TMEM260: variants seen among roughly 807,000 people sequenced by gnomAD.
The protein encoded by TMEM260 is transmembrane protein 260.
TMEM260 carries 82 observed loss-of-function variants against 88.9 expected under a neutral mutation model. The observed-to-expected ratio is 0.92, with a 90% CI of 0.77 to 1.11. The LOEUF is 1.11. Among genes scored for constraint, TMEM260 ranks in the 50% least tolerant of loss-of-function variants. TMEM260 has a pLI of 0.00. For missense variants in TMEM260, 902 were observed against 853.4 expected, an observed-to-expected ratio of 1.06 and a Z score of -0.71; for synonymous variants, 314 against 309.3, an observed-to-expected ratio of 1.02 and a Z score of -0.16.
the TMEM260 span, among the ~76,000 whole-genome samples, chr14:56,661,535 G>A: frequency 8.1e-6 from 1 of 122,964 alleles, no homozygotes; most frequent in African/African-American, 3.8e-5. Context: ...AAGGAGGAAA[G>A]GAGGGAGGGA....
chr14:56,599,232 T>G (rs1445593599), intron 3 of TMEM260, among the ~76,000 whole-genome samples: 1 of 152,188 alleles, frequency 6.6e-6, no homozygotes, highest in Non-Finnish European at 1.5e-5. Context: ...CTTGTCCTTC[T>G]GTCCTTTTGC....
chr14:56,635,684 T>G (rs1324488116), intron 14 of TMEM260, among the ~76,000 whole-genome samples: 1 of 152,170 alleles, frequency 6.6e-6, no homozygotes, highest in Non-Finnish European at 1.5e-5. Flanking sequence ...ACGGAGTATC[T>G]TGTACATAAG....
At chr14:56,622,082 G>A (rs1451459726) in intron 11 of TMEM260, among the ~76,000 whole-genome samples, 7 of 152,024 alleles carry the variant, frequency 4.6e-5, no homozygotes, top group Non-Finnish European at 8.8e-5. Flanking sequence ...AGTGGCTCAC[G>A]CCTGTAATCC....
chr14:56,649,738 ATG>A (rs1890162616), downstream of TMEM260, among the ~76,000 whole-genome samples: 1 of 152,120 alleles, frequency 6.6e-6, no homozygotes, highest in African/African-American at 2.4e-5. Flanking sequence ...TTTTTTAAAT[ATG>A]TGTCTGTACT....
chr14:56,641,444 C>T (rs971846145), intron 15 of TMEM260, among the ~76,000 whole-genome samples: 17 of 152,200 alleles, frequency 1.1e-4, no homozygotes, highest in African/African-American at 3.9e-4. Flanking sequence ...GAAATAAAAT[C>T]CTTTACAGAC....
At chr14:56,652,588 GA>G (rs1456595430), downstream of TMEM260, among the ~76,000 whole-genome samples, 1 of 151,900 alleles carries the variant, frequency 6.6e-6, no homozygotes, top group Non-Finnish European at 1.5e-5. Flanking sequence ...TTTATAAATG[GA>G]AAATGATTCA....
intron 6 of TMEM260, among the ~76,000 whole-genome samples, 161 bp from the exon 7 acceptor site, chr14:56,612,084 C>T (rs1296534201): frequency 3.3e-5 from 5 of 152,176 alleles, no homozygotes; most frequent in South Asian, 2.1e-4. Flanking sequence ...TCCCTTGACA[C>T]GCAGTTTACC....
At chr14:56,623,918 CTCT>C (rs1392242770) in intron 11 of TMEM260, among the ~76,000 whole-genome samples, 2 of 152,036 alleles carry the variant, frequency 1.3e-5, no homozygotes, top group African/African-American at 2.4e-5. Flanking sequence ...TAATGGGAGT[CTCT>C]TCTTTAAAAA....
downstream of TMEM260, among the ~76,000 whole-genome samples, chr14:56,653,295 G>T (rs1249325205): frequency 6.6e-6 from 1 of 152,152 alleles, no homozygotes; most frequent in Non-Finnish European, 1.5e-5. Context: ...TTTAAAATGT[G>T]TATGCACATA....
At chr14:56,596,406 G>GTGTGTGTGTGTGTGTA (rs1290307932) in intron 3 of TMEM260, among the ~76,000 whole-genome samples, 26 of 111,326 alleles carry the variant, frequency 2.3e-4, no homozygotes, top group African/African-American at 7.8e-4. Flanking sequence ...GTGTGTGTGT[G>GTGTGTGTGTGTGTGTA]TATATATATA....
At chr14:56,603,310 A>T (rs1250745585) in intron 3 of TMEM260, among the ~76,000 whole-genome samples, 1 of 152,200 alleles carries the variant, frequency 6.6e-6, no homozygotes, top group Non-Finnish European at 1.5e-5. Flanking sequence ...AAATCATCAG[A>T]TATTGTGATC....
chr14:56,639,784 C>T (rs56352631), intron 15 of TMEM260, among the ~76,000 whole-genome samples: 5,128 of 152,240 alleles, frequency 0.034, 139 homozygotes, highest in East Asian at 0.099. Context: ...CACTCCCACC[C>T]TAATACTGTG....
Position 56,634,958 on chromosome 14 carries a change from T to C in TMEM260, c.1778+6T>C, listed in dbSNP as rs200068138. The C allele has an allele frequency of 2.5e-6, 4 of 1,613,772 alleles. No homozygotes were observed. Among genetic ancestry groups the C allele is most frequent in the East Asian group, 4.5e-5 (2 of 44,888 alleles). On this transcript the variant is annotated splice_donor_region_variant and intron_variant, in intron 14 of 15. Coordinates refer to ENST00000261556, the MANE Select transcript of TMEM260 (RefSeq NM_017799.4). ...GAAGAAATGTGGCAAGCGAGGTGACTATTCTACATTTTTGTGTGTGCAGTC... is the reference window on the plus strand; with the variant it reads ...GAAGAAATGTGGCAAGCGAGGTGACCATTCTACATTTTTGTGTGTGCAGTC...
At chr14:56,650,861 A>G (rs1045561035), downstream of TMEM260, among the ~76,000 whole-genome samples, 2 of 152,146 alleles carry the variant, frequency 1.3e-5, no homozygotes, top group Non-Finnish European at 1.5e-5. Context: ...TTTAGGAAAA[A>G]TTTTATACCA....
intron 3 of TMEM260, among the ~76,000 whole-genome samples, chr14:56,601,395 A>G (rs1886566192): frequency 6.6e-6 from 1 of 152,156 alleles, no homozygotes. Context: ...TCTTTTCACT[A>G]GAATAGATTG....
intron 4 of TMEM260, among the ~76,000 whole-genome samples, chr14:56,605,230 C>A (rs1189120463): frequency 6.6e-6 from 1 of 152,134 alleles, no homozygotes; most frequent in Non-Finnish European, 1.5e-5. Context: ...GGAGAAAAAA[C>A]AATTGCTGAA....
chr14:56,602,840 A>G (rs938245464), intron 3 of TMEM260, among the ~76,000 whole-genome samples: 1 of 152,176 alleles, frequency 6.6e-6, no homozygotes, highest in Non-Finnish European at 1.5e-5. Flanking sequence ...GACTAAAGCC[A>G]TAGAACTACC....
intron 14 of TMEM260, among the ~76,000 whole-genome samples, chr14:56,635,921 TGTA>T (rs1159651955): frequency 9.9e-5 from 15 of 152,206 alleles, no homozygotes; most frequent in African/African-American, 3.4e-4. Flanking sequence ...AAGTTGTCAT[TGTA>T]GTCATAGGGA....
chr14:56,596,794 A>AAAAATGT (rs59623466), intron 3 of TMEM260, among the ~76,000 whole-genome samples: 7 of 136,296 alleles, frequency 5.1e-5, no homozygotes, highest in African/African-American at 1.4e-4. Flanking sequence ...TAAAAAAAAA[A>AAAAATGT]ATATATATAT....
Sources: allele counts gnomAD v4.1 joint callset (sites outside exome capture counted in the v4.1 genomes callset), GRCh38; gene constraint gnomAD v4.1.1; transcripts MANE v1.5; gene names NCBI Gene and HGNC (gene_info 2026-07-23, HGNC 2026-07-21).